IL15RA: variants seen among roughly 807,000 people sequenced by gnomAD.
The protein encoded by IL15RA is interleukin 15 receptor subunit alpha.
IL15RA carries 26 observed loss-of-function variants against 24.2 expected under a neutral mutation model. The ratio of observed to expected loss-of-function variants is 1.07; its 90% CI spans 0.79 to 1.49. The LOEUF is 1.49. Among genes scored for constraint, IL15RA ranks in the 40% most tolerant of loss-of-function variants. The pLI, the probability that IL15RA is intolerant of heterozygous loss-of-function variation, is 0.00. For synonymous variants in IL15RA, 166 were observed against 157.6 expected, an observed-to-expected ratio of 1.05 and a Z score of -0.40; for missense variants, 354 against 356.4, an observed-to-expected ratio of 0.99 and a Z score of 0.05.
rs1564514672 is a variant in IL15RA at position 5,969,353 on chromosome 10, T to TTAAATTTAA, written c.89-3015_89-3014insTTAAATTTA. 3.7e-3 allele frequency among the ~76,000 whole-genome samples: 545 copies of TTAAATTTAA among 147,652 alleles called. 2 individuals carry two copies. Among genetic ancestry groups the TTAAATTTAA allele is most frequent in the African/African-American group, 0.013 (522 of 40,114 alleles). On this transcript the variant is annotated intron_variant, in intron 1 of 6. Transcript: ENST00000379977. ...AAATTAAAATTTTTAAATTAAATTT[T>TTAAATTTAA]TTAAATTAAATTAAATTAAATTAAA...
At position 5,963,558 on chromosome 10, in the gene IL15RA, G is replaced by A. The variant is rs1430337800; in HGVS notation, c.382+185C>T. 6.6e-6 allele frequency among the ~76,000 whole-genome samples: 1 copy of A among 152,220 alleles called. No homozygotes were observed. Among genetic ancestry groups the A allele is most frequent in the Non-Finnish European group, 1.5e-5 (1 of 68,046 alleles). On this transcript the variant is annotated intron_variant, in intron 3 of 6. Transcript: ENST00000379977. The surrounding 1 kb of genome is among the most constrained non-coding windows in gnomAD (Gnocchi z 5.3). ...TGCACATATAACACCTGGATATCAA[G>A]CAACTTTGATTTGAAAAAGAAAATT... is the stretch of plus-strand genomic sequence containing the variant.
Position 5,964,390 on chromosome 10 carries a change from C to A in IL15RA, c.284-549G>T, listed in dbSNP as rs1251820609. The stretch of plus-strand genomic sequence containing the variant: ...CTATGTTGCTGAGGCTGGTCTCGAA[C>A]TCCTGGTCTCAAGAAATCCCTCCCA... On this transcript the variant is annotated intron_variant, in intron 2 of 6. Coordinates refer to ENST00000379977, the MANE Select transcript of IL15RA (RefSeq NM_002189.4). The surrounding 1 kb of genome is among the most constrained non-coding windows in gnomAD (Gnocchi z 5.6). Among the ~76,000 whole-genome samples the A allele has an allele frequency of 6.6e-6, 1 of 152,100 alleles. No individual in the cohort carries two copies. Among genetic ancestry groups the A allele is most frequent in the African/African-American group, 2.4e-5 (1 of 41,396 alleles).
chr10:5,977,738 G>A, upstream of IL15RA: 7 of 967,524 alleles, frequency 7.2e-6, no homozygotes, highest in Non-Finnish European at 9.4e-6. Flanking sequence ...CTGTCCCCGG[G>A]ACGCATGGGC....
At position 5,975,424 on chromosome 10, in the gene IL15RA, C is replaced by T. The variant is rs1416195795; in HGVS notation, c.88+1981G>A. 6.6e-6 allele frequency among the ~76,000 whole-genome samples: 1 copy of T among 151,428 alleles called. No individual in the cohort carries two copies. Among genetic ancestry groups the T allele is most frequent in the Non-Finnish European group, 1.5e-5 (1 of 67,958 alleles). On this transcript the variant is annotated intron_variant, in intron 1 of 6. Coordinates refer to ENST00000379977, the MANE Select transcript of IL15RA (RefSeq NM_002189.4). This position sits in a 1 kb window ranked among gnomAD's most constrained non-coding sequence, Gnocchi z 4.8. ...AGATGGGCGAGGTGGGAGATGAGGACTGTGCAGGGCATGAGGAAGTCTTTG... is the reference window on the plus strand; with the variant it reads ...AGATGGGCGAGGTGGGAGATGAGGATTGTGCAGGGCATGAGGAAGTCTTTG...
intron 6 of IL15RA, chr10:5,954,053 C>A (rs1834159604): frequency 6.6e-6 from 1 of 152,116 alleles, no homozygotes; most frequent in South Asian, 2.1e-4. Flanking sequence ...TTGCTAACAG[C>A]CAATTTGTCA....
At chr10:5,951,899 A>G (rs954423222), downstream of IL15RA, among the ~76,000 whole-genome samples, 4 of 152,064 alleles carry the variant, frequency 2.6e-5, no homozygotes, top group Middle Eastern at 3.2e-3. Flanking sequence ...GGCTCGATCA[A>G]TCCTCCTGCC....
Position 5,966,366 on chromosome 10 carries a change from G to A in IL15RA, c.89-27C>T, listed in dbSNP as rs374777651. On this transcript the variant is annotated intron_variant, in intron 1 of 6. Transcript: ENST00000379977. This position sits in a 1 kb window ranked among gnomAD's most constrained non-coding sequence, Gnocchi z 6.4. Reference sequence around the variant, plus strand: ...TGCGAAAGTGCAGAGGACAGGGGACGGTGAAGAGGTTTCCACTTGTAAGAG... The same window carrying A: ...TGCGAAAGTGCAGAGGACAGGGGACAGTGAAGAGGTTTCCACTTGTAAGAG... 1.2e-5 allele frequency: 19 copies of A among 1,581,848 alleles called. No individual in the cohort carries two copies. The East Asian group carries it at 1.6e-4, about 13-fold the overall frequency.
rs983705292 is a variant in IL15RA at position 5,967,000 on chromosome 10, C to T, written c.89-661G>A. On this transcript the variant is annotated intron_variant, in intron 1 of 6. Transcript: ENST00000379977. The surrounding 1 kb of genome is among the most constrained non-coding windows in gnomAD (Gnocchi z 6.4). ...CTAACCTCAAATGATCTGCCCGCCT[C>T]GGCCTCCCAAAGTGCTGGGATTACA... is the stretch of plus-strand genomic sequence containing the variant. Among the ~76,000 whole-genome samples, 12 of 152,006 alleles carry T rather than the reference C, an allele frequency of 7.9e-5. No individual in the cohort carries two copies. Among genetic ancestry groups the T allele is most frequent in the Non-Finnish European group, 1.6e-4 (11 of 67,996 alleles).
chr10:5,972,851 C>A (rs1837833146), intron 1 of IL15RA, among the ~76,000 whole-genome samples: 1 of 151,978 alleles, frequency 6.6e-6, no homozygotes, highest in Non-Finnish European at 1.5e-5. Context: ...TTTTTGCTAT[C>A]AGTAGAGGCA....
At chr10:5,976,663 G>A (rs996414139) in intron 1 of IL15RA, among the ~76,000 whole-genome samples, 9 of 152,042 alleles carry the variant, frequency 5.9e-5, no homozygotes, top group African/African-American at 2.2e-4. Flanking sequence ...AAAACCCCTA[G>A]GAATCGCTCA....
chr10:5,972,405 G>T (rs566892074), intron 1 of IL15RA, among the ~76,000 whole-genome samples: 86 of 152,120 alleles, frequency 5.7e-4, no homozygotes, highest in African/African-American at 1.8e-3. Context: ...ACAGAGTCTC[G>T]CTTTGTCGCC....
Position 5,968,838 on chromosome 10 carries a change from C to G in IL15RA, c.89-2499G>C, listed in dbSNP as rs1428056013. ...GGGGCAGTTTTCCATTGTCCTGAGT[C>G]TCACGCAGGCCTCGTGTGTCTGGAC... On this transcript the variant is annotated intron_variant, in intron 1 of 6. Transcript: ENST00000379977. The surrounding 1 kb of genome is among the most constrained non-coding windows in gnomAD (Gnocchi z 5.4). 5.8e-6 allele frequency: 5 copies of G among 867,062 alleles called. No individual in the cohort carries two copies. The highest frequency in any genetic ancestry group is 5.0e-5 in the African/African-American group (3 of 60,216). The allele number at this position is 867,062 out of a possible 1,614,324, so 53.7% of individuals were successfully genotyped here.
At position 5,958,506 on chromosome 10, in the gene IL15RA, A is replaced by T. The variant is rs1477538281; in HGVS notation, c.616+1248T>A. ...GTTCCAGCAATTCTCCCACCTCAGC[A>T]TCCCGAGTAGGTGGGACTACAGGCA... On this transcript the variant is annotated intron_variant, in intron 5 of 6. Transcript: ENST00000379977. This position sits in a 1 kb window ranked among gnomAD's most constrained non-coding sequence, Gnocchi z 4.3. Among the ~76,000 whole-genome samples, 1 of 152,034 alleles carries T rather than the reference A, an allele frequency of 6.6e-6. No homozygotes were observed. The highest frequency in any genetic ancestry group is 1.5e-5 in the Non-Finnish European group (1 of 67,996).
At chr10:5,951,551 C>T (rs541567861), downstream of IL15RA, among the ~76,000 whole-genome samples, 1 of 152,088 alleles carries the variant, frequency 6.6e-6, no homozygotes. Flanking sequence ...TTTGGCTGGG[C>T]GCCGTGGCTC....
In IL15RA at chr10:5,963,408, A is replaced by G. The variant is rs545797022; in HGVS notation, c.382+335T>C. Among the ~76,000 whole-genome samples the G allele has an allele frequency of 1.3e-5, 2 of 152,342 alleles. No homozygotes were observed. Among genetic ancestry groups the G allele is most frequent in the South Asian group, 4.1e-4 (2 of 4,826 alleles). On this transcript the variant is annotated intron_variant, in intron 3 of 6. Transcript: ENST00000379977. The surrounding 1 kb of genome is among the most constrained non-coding windows in gnomAD (Gnocchi z 5.3). ...GCCCTCTTTTCTGCCAGCACCCATGAAAATGTTGAGGGCTAACACACATGC... is the reference window on the plus strand; with the variant it reads ...GCCCTCTTTTCTGCCAGCACCCATGGAAATGTTGAGGGCTAACACACATGC...
At position 5,966,122 on chromosome 10, in the gene IL15RA, GT is replaced by G. The variant is rs1004041898; in HGVS notation, c.283+22del. On this transcript the variant is annotated intron_variant, in intron 2 of 6. Transcript: ENST00000379977. The surrounding 1 kb of genome is among the most constrained non-coding windows in gnomAD (Gnocchi z 6.4). ...TTGGCAGGGTGGGGGAGGGAGGAAGGTGGGGTGGCAAGGGCTACTCACTAAT... is the reference window on the plus strand; with the variant it reads ...TTGGCAGGGTGGGGGAGGGAGGAAGGGGGGTGGCAAGGGCTACTCACTAAT... The G allele has an allele frequency of 6.4e-7, 1 of 1,558,222 alleles. No individual in the cohort carries two copies. Among genetic ancestry groups the G allele is most frequent in the African/African-American group, 1.4e-5 (1 of 73,938 alleles).
Position 5,953,846 on chromosome 10 carries a change from G to A in IL15RA, c.693-640C>T, listed in dbSNP as rs933390403. The A allele has an allele frequency of 6.2e-6, 1 of 161,844 alleles. No homozygotes were observed. The highest frequency in any genetic ancestry group is 2.4e-5 in the African/African-American group (1 of 41,582). 10.0% of individuals were successfully genotyped at this position (161,844 alleles called of 1,614,324 possible). A position where few individuals can be genotyped will look rare whatever the true frequency, so the allele number is the denominator to read the frequency against. Reference sequence around the variant, plus strand: ...CAAGCACAGGCGAGGCAGGACACTGGTCATACGTGGCTGGCCTGTCTGGAG... The same window carrying A: ...CAAGCACAGGCGAGGCAGGACACTGATCATACGTGGCTGGCCTGTCTGGAG... On this transcript the variant is annotated intron_variant, in intron 6 of 6. Coordinates refer to ENST00000379977, the MANE Select transcript of IL15RA (RefSeq NM_002189.4). This position sits in a 1 kb window ranked among gnomAD's most constrained non-coding sequence, Gnocchi z 5.3.
rs1834904504 is a variant in IL15RA, at chr10:5,958,405, A to T, written c.616+1349T>A. The T allele has an allele frequency of 2.4e-6, 1 of 422,640 alleles. No homozygotes were observed. Among genetic ancestry groups the T allele is most frequent in the Non-Finnish European group, 4.8e-6 (1 of 208,210 alleles). 26.2% of individuals were successfully genotyped at this position (422,640 alleles called of 1,614,324 possible). A position where few individuals can be genotyped will look rare whatever the true frequency, so the allele number is the denominator to read the frequency against. On this transcript the variant is annotated intron_variant, in intron 5 of 6. Transcript: ENST00000379977. The surrounding 1 kb of genome is among the most constrained non-coding windows in gnomAD (Gnocchi z 4.3). ...GGATTTGCTTTTCGTCTTTTTTTTG[A>T]GACAGGGTCCTGTCCTGTTGCCCAG...
At position 5,959,170 on chromosome 10, in the gene IL15RA, C is replaced by CTTTTT. The variant is rs566891770; in HGVS notation, c.616+579_616+583dup. Among the ~76,000 whole-genome samples the CTTTTT allele has an allele frequency of 7.2e-6, 1 of 138,222 alleles. No homozygotes were observed. Among genetic ancestry groups the CTTTTT allele is most frequent in the Non-Finnish European group, 1.6e-5 (1 of 63,264 alleles). 90.7% of individuals were successfully genotyped at this position (138,222 alleles called of 152,430 possible). ...GTTAACTTTTTTTCTTTTTCTTTTT[C>CTTTTT]TTTTTTTTTTTTTTTAATAGAGATG... On this transcript the variant is annotated intron_variant, in intron 5 of 6. Transcript: ENST00000379977. This position sits in a 1 kb window ranked among gnomAD's most constrained non-coding sequence, Gnocchi z 4.1.
Sources: gnomAD v4.1 joint callset for allele counts (sites outside exome capture counted in the v4.1 genomes callset) on GRCh38, gnomAD v4.1.1 for gene constraint, Gnocchi (gnomAD v3.1) non-coding constraint, MANE v1.5 for transcripts, NCBI Gene and HGNC (gene_info 2026-07-23, HGNC 2026-07-21) for gene names.